The following HNMT variants were observed in gnomAD, a reference collection of about 807,000 sequenced individuals.
HNMT encodes the protein histamine N-methyltransferase.
Under a neutral mutation model 32.1 loss-of-function variants are expected in HNMT, and 30 were observed. The observed-to-expected ratio is 0.93, with a 90% CI of 0.70 to 1.27. The LOEUF is 1.27. Ranked by LOEUF, HNMT falls within the 50% of genes most tolerant of loss-of-function variation. HNMT has a pLI of 0.00. For missense variants in HNMT, 327 were observed against 346.0 expected (o/e 0.95, Z 0.43); for synonymous variants, 125 against 119.0 (o/e 1.05, Z -0.33).
intron 1 of HNMT, among the ~76,000 whole-genome samples, 184 bp from the exon 2 acceptor site, chr2:137,969,981 T>C (rs1323574253): frequency 6.6e-6 from 1 of 152,226 alleles, no homozygotes; most frequent in African/African-American, 2.4e-5. Context: ...TGTTAATGAA[T>C]AAAACCTATA....
At chr2:138,009,033 T>C (rs1374407012) in intron 5 of HNMT, among the ~76,000 whole-genome samples, 1 of 152,048 alleles carries the variant, frequency 6.6e-6, no homozygotes, top group Admixed American at 6.6e-5. Context: ...ATCCATCATC[T>C]ATAAGGAACT....
At position 138,000,972 on chromosome 2, in the gene HNMT, G is replaced by C; in HGVS notation, c.245G>C (p.Cys82Ser). 6.2e-7 allele frequency: 1 copy of C among 1,609,158 alleles called. No homozygotes were observed. The highest frequency in any genetic ancestry group is 1.3e-5 in the African/African-American group (1 of 74,768). The change falls in exon 3 of 6, where the codon TGT (cysteine) becomes TCT (serine). Residue 82 changes from cysteine to serine, a missense_variant. By Grantham distance (112) the Cys-to-Ser change is moderately radical (BLOSUM62 -1). Coordinates refer to ENST00000280097, the MANE Select transcript of HNMT (RefSeq NM_006895.3). The part of the protein sequence containing the change: ...SKVQAQYPGV[C>S]INNEVVEPSA... ...GTTCAGGCTCAATACCCAGGAGTTTGTATCAACAATGAAGTTGTTGAGCCA... is the reference window on the plus strand; with the variant it reads ...GTTCAGGCTCAATACCCAGGAGTTTCTATCAACAATGAAGTTGTTGAGCCA...
chr2:138,002,882 A>AG (rs1681218114), intron 4 of HNMT: 1 of 521,874 alleles, frequency 1.9e-6, no homozygotes, highest in Admixed American at 6.4e-5. Flanking sequence ...ATATGGTCGA[A>AG]GGGGCAGGTT....
chr2:137,997,923 G>A (rs888730656), intron 2 of HNMT, among the ~76,000 whole-genome samples: 1 of 152,026 alleles, frequency 6.6e-6, no homozygotes, highest in African/African-American at 2.4e-5. Context: ...CAGGAACAGA[G>A]AACCAAATAC....
At chr2:137,983,439 A>G (rs975093336) in intron 2 of HNMT, among the ~76,000 whole-genome samples, 5 of 152,134 alleles carry the variant, frequency 3.3e-5, no homozygotes, top group Non-Finnish European at 7.3e-5. Context: ...CAATATACAT[A>G]TAGTGTATAC....
chr2:137,976,076 G>A (rs545712017), intron 2 of HNMT, among the ~76,000 whole-genome samples: 1 of 152,116 alleles, frequency 6.6e-6, no homozygotes, highest in Admixed American at 6.5e-5. Flanking sequence ...AGACCAGCCT[G>A]GCCAACATAG....
intron 1 of HNMT, chr2:137,967,662 T>C (rs148082201): frequency 1.3e-5 from 2 of 152,338 alleles, no homozygotes; most frequent in African/African-American, 4.8e-5. Flanking sequence ...TTCACCACTG[T>C]TTTCTTTTTC....
chr2:137,966,883 A>G (rs1012257006), intron 1 of HNMT, among the ~76,000 whole-genome samples: 9 of 152,132 alleles, frequency 5.9e-5, no homozygotes, highest in African/African-American at 2.2e-4. Context: ...CCCTGATTCT[A>G]TATCTCATGC....
intron 2 of HNMT, among the ~76,000 whole-genome samples, chr2:137,998,615 A>G (rs904195081): frequency 6.6e-6 from 1 of 152,126 alleles, no homozygotes; most frequent in Non-Finnish European, 1.5e-5. Flanking sequence ...ATGCAAACCA[A>G]TGGTTTCCAT....
intron 2 of HNMT, among the ~76,000 whole-genome samples, chr2:137,974,714 C>A (rs1056371629): frequency 1.3e-5 from 2 of 152,230 alleles, no homozygotes; most frequent in African/African-American, 4.8e-5. Context: ...CAGCTTCCTA[C>A]TTCTATTTTC....
intron 2 of HNMT, chr2:137,988,512 C>T (rs1312475376): frequency 6.6e-6 from 1 of 151,972 alleles, no homozygotes; most frequent in Non-Finnish European, 1.5e-5. Context: ...AATGGTTAAA[C>T]AAGACTATAA....
chr2:137,984,212 T>C (rs915441617), intron 2 of HNMT, among the ~76,000 whole-genome samples: 2 of 152,242 alleles, frequency 1.3e-5, no homozygotes, highest in African/African-American at 4.8e-5. Flanking sequence ...CTTTGGATTA[T>C]GCATTTTTAT....
intron 1 of HNMT, chr2:137,967,015 A>G (rs1679978236): frequency 2.6e-6 from 2 of 772,816 alleles, no homozygotes; most frequent in Admixed American, 1.8e-5. Context: ...GTTCTATGTT[A>G]ATCGTTTGAC....
rs1371495012 is a variant in HNMT, at chr2:138,014,673, C to G, written c.*543C>G. The G allele has an allele frequency of 2.0e-5, 3 of 152,242 alleles. No individual in the cohort carries two copies. Among genetic ancestry groups the G allele is most frequent in the Admixed American group, 6.6e-5 (1 of 15,238 alleles). 9.4% of individuals were successfully genotyped at this position (152,242 alleles called of 1,614,324 possible). A position where few individuals can be genotyped will look rare whatever the true frequency, so the allele number is the denominator to read the frequency against. On this transcript the variant is annotated 3_prime_UTR_variant, in exon 6 of 6. Transcript: ENST00000280097. ...TCTTTATCACATGTTGTCATTTCTTCCCATTGTGTTTTCTCTTGTAATTTT... is the reference window on the plus strand; with the variant it reads ...TCTTTATCACATGTTGTCATTTCTTGCCATTGTGTTTTCTCTTGTAATTTT...
At chr2:137,994,561 AG>A (rs1255892175) in intron 2 of HNMT, among the ~76,000 whole-genome samples, 15 of 152,212 alleles carry the variant, frequency 9.9e-5, no homozygotes, top group African/African-American at 3.6e-4. Context: ...GTATACTCCC[AG>A]ACAATAATAG....
Position 138,015,917 on chromosome 2 carries a change from G to C in HNMT, c.*1787G>C, listed in dbSNP as rs980875491. On this transcript the variant is annotated 3_prime_UTR_variant, in exon 6 of 6. Transcript: ENST00000280097. Reference sequence around the variant, plus strand: ...TTTTCTCGTCCTTATTAAACCCTTAGTATACAAGGATAAATAAATTCTCAC... The same window carrying C: ...TTTTCTCGTCCTTATTAAACCCTTACTATACAAGGATAAATAAATTCTCAC... 6.6e-5 allele frequency: 10 copies of C among 152,194 alleles called. No individual in the cohort carries two copies. Among genetic ancestry groups the C allele is most frequent in the African/African-American group, 2.4e-4 (10 of 41,536 alleles). The allele number at this position is 152,194 out of a possible 1,614,324, so 9.4% of individuals were successfully genotyped here. A position where few individuals can be genotyped will look rare whatever the true frequency, so the allele number is the denominator to read the frequency against.
At chr2:137,970,270 G>T (rs1680082262) in intron 2 of HNMT, 53 bp downstream of exon 2, 11 of 1,002,582 alleles carry the variant, frequency 1.1e-5, no homozygotes, top group Middle Eastern at 2.2e-4. Flanking sequence ...ATTATGCTGT[G>T]TGATGACAAT....
intron 5 of HNMT, among the ~76,000 whole-genome samples, chr2:138,013,240 A>C (rs1266165732): frequency 6.6e-6 from 1 of 152,054 alleles, no homozygotes; most frequent in East Asian, 1.9e-4. Flanking sequence ...AAATTCTATC[A>C]GACAGCATTA....
intron 2 of HNMT, among the ~76,000 whole-genome samples, chr2:137,972,878 A>C (rs1022073797): frequency 1.4e-4 from 22 of 152,246 alleles, no homozygotes; most frequent in Admixed American, 7.9e-4. Flanking sequence ...ATGCAAATTT[A>C]TCCAGATGCT....
Sources: gnomAD v4.1 joint callset for allele counts (sites outside exome capture counted in the v4.1 genomes callset) on GRCh38, gnomAD v4.1.1 for gene constraint, MANE v1.5 for transcripts, NCBI Gene and HGNC (gene_info 2026-07-23, HGNC 2026-07-21) for gene names.